CENPC: variants seen among roughly 807,000 people sequenced by gnomAD.
The protein encoded by CENPC is CENP-C 1.
Under a neutral mutation model 112.1 loss-of-function variants are expected in CENPC, and 63 were observed. That is an observed-to-expected ratio of 0.56 (90% CI 0.46 to 0.69). CENPC has a LOEUF of 0.69. CENPC is among the 30% of genes least tolerant of loss of function. The probability of loss-of-function intolerance (pLI) is 0.00; values close to 1 mark genes in which losing one functional copy is unlikely to be tolerated. For missense variants in CENPC, 1,000 were observed against 1,103.8 expected (o/e 0.91, Z 1.33); for synonymous variants, 333 against 367.6 (o/e 0.91, Z 1.08).
chr4:67,512,603 A>G (rs1725927631), intron 8 of CENPC, 34 bp from the exon 9 acceptor site: 3 of 1,426,158 alleles, frequency 2.1e-6, no homozygotes, highest in Admixed American at 3.0e-5. Context: ...CCAATTCACA[A>G]TCTACTAAAA....
intron 2 of CENPC, among the ~76,000 whole-genome samples, chr4:67,541,417 C>T (rs188555263): frequency 6.6e-6 from 1 of 152,188 alleles, no homozygotes; most frequent in East Asian, 1.9e-4. Flanking sequence ...GTAACATATT[C>T]CTCCCTATAA....
intron 17 of CENPC, among the ~76,000 whole-genome samples, chr4:67,486,386 T>TA (rs1725094601): frequency 6.6e-6 from 1 of 152,178 alleles, no homozygotes; most frequent in Non-Finnish European, 1.5e-5. Flanking sequence ...TTATCACACC[T>TA]AAAAAATAAA....
intron 14 of CENPC, chr4:67,493,497 A>C: frequency 5.6e-6 from 1 of 177,630 alleles, no homozygotes; most frequent in South Asian, 1.3e-4. Context: ...ATAAGAAAGA[A>C]AATAACTCTA....
chr4:67,509,207 T>TACACACATAC (rs1725825253), intron 9 of CENPC, 102 bp from the exon 10 acceptor site: 1 of 454,140 alleles, frequency 2.2e-6, no homozygotes, highest in African/African-American at 2.1e-5. Context: ...CATATACACA[T>TACACACATAC]ACACACACAC....
At chr4:67,537,920 G>T (rs966738173) in intron 4 of CENPC, among the ~76,000 whole-genome samples, 16 of 152,108 alleles carry the variant, frequency 1.1e-4, no homozygotes, top group Admixed American at 6.6e-5. Context: ...AAAGTTCAAG[G>T]CTTCAGAGAG....
intron 12 of CENPC, among the ~76,000 whole-genome samples, chr4:67,503,330 C>T (rs1577985470): frequency 6.6e-6 from 1 of 152,066 alleles, no homozygotes; most frequent in South Asian, 2.1e-4. Context: ...GACAGCTGCA[C>T]GGTTTGCTGT....
rs753850936 is a variant in CENPC, at chr4:67,489,951, TAA to T, written c.2670+14_2670+15del. The T allele has an allele frequency of 4.7e-6, 7 of 1,502,540 alleles. No homozygotes were observed. The highest frequency in any genetic ancestry group is 8.9e-7 in the Non-Finnish European group (1 of 1,128,844). The allele number at this position is 1,502,540 out of a possible 1,614,324, so 93.1% of individuals were successfully genotyped here. A position where few individuals can be genotyped will look rare whatever the true frequency, so the allele number is the denominator to read the frequency against. The stretch of plus-strand genomic sequence containing the variant: ...CTACCAAGAGTGAAACATAAATATA[TAA>T]AAAAAGTACTCACCAATATATCCTG... On this transcript the variant is annotated intron_variant, in intron 17 of 18. Transcript: ENST00000273853.
At position 67,514,646 on chromosome 4, in the gene CENPC, C is replaced by G; in HGVS notation, c.872G>C (p.Cys291Ser). 1 of 1,608,566 alleles carries G rather than the reference C, an allele frequency of 6.2e-7. No homozygotes were observed. Among genetic ancestry groups the G allele is most frequent in the Non-Finnish European group, 8.5e-7 (1 of 1,177,660 alleles). ...RHAATAPPHS[C>S]PPDDTKLIED... ...TATCAACTTCGTATCATCGGGAGGA[C>G]ACGAATGAGGTGGAGCAGTTGCCGC... The change falls in exon 8 of 19, where the codon TGT becomes TCT. Residue 291 changes from cysteine to serine, a missense_variant. Cys to Ser is a moderately radical substitution (Grantham distance 112). Coordinates refer to ENST00000273853, the MANE Select transcript of CENPC (RefSeq NM_001812.4).
chr4:67,482,265 T>C (rs1002033765), intron 17 of CENPC, among the ~76,000 whole-genome samples: 3 of 152,106 alleles, frequency 2.0e-5, no homozygotes, highest in African/African-American at 4.8e-5. Flanking sequence ...AAATAGTAGA[T>C]GTTGGCCTAG....
chr4:67,539,693 C>T, intron 4 of CENPC, 147 bp downstream of exon 4: 1 of 450,286 alleles, frequency 2.2e-6, no homozygotes, highest in East Asian at 3.7e-5. Context: ...TCACAAAATA[C>T]CTCCAAATTT....
rs1577964927 is a variant in CENPC at position 67,469,194 on chromosome 4, A to G, written c.*3411T>C. The G allele has an allele frequency of 6.6e-6, 1 of 152,328 alleles. No individual in the cohort carries two copies. Among genetic ancestry groups the G allele is most frequent in the East Asian group, 1.9e-4 (1 of 5,184 alleles). 9.4% of individuals were successfully genotyped at this position (152,328 alleles called of 1,614,324 possible). ...AAACTGTGGAATCCTATCCAACAAT[A>G]AAAATTAGAAAAATCATTAAAAAAA... is the stretch of plus-strand genomic sequence containing the variant. On this transcript the variant is annotated 3_prime_UTR_variant, in exon 19 of 19. Coordinates refer to ENST00000273853, the MANE Select transcript of CENPC (RefSeq NM_001812.4).
At chr4:67,482,802 G>C (rs1724989747) in intron 17 of CENPC, among the ~76,000 whole-genome samples, 1 of 152,190 alleles carries the variant, frequency 6.6e-6, no homozygotes, top group Admixed American at 6.5e-5. Flanking sequence ...AGTGTTCACT[G>C]TTCAGGTGAT....
chr4:67,518,513 G>A, intron 6 of CENPC, 145 bp from the exon 7 acceptor site: 1 of 837,728 alleles, frequency 1.2e-6, no homozygotes, highest in South Asian at 4.5e-5. Flanking sequence ...GCTGATTTGT[G>A]CATTCCAAAT....
chr4:67,491,468 TATATATATATATAGAGAGAG>T lies in CENPC; in HGVS notation c.2515+692_2515+711del, dbSNP rs1225292509. On this transcript the variant is annotated intron_variant, in intron 16 of 18. Coordinates refer to ENST00000273853, the MANE Select transcript of CENPC (RefSeq NM_001812.4). ...TTTCATATATATATATATATATATA[TATATATATATATAGAGAGAG>T]AGAGAGAGAGAGAGAGAGAGAGAGA... Among the ~76,000 whole-genome samples, 124 of 54,636 alleles carry T rather than the reference TATATATATATATAGAGAGAG, an allele frequency of 2.3e-3. 1 individual carries two copies. Among genetic ancestry groups the T allele is most frequent in the African/African-American group, 5.7e-3 (92 of 16,066 alleles). 35.8% of individuals were successfully genotyped at this position (54,636 alleles called of 152,430 possible).
intron 6 of CENPC, among the ~76,000 whole-genome samples, chr4:67,518,884 C>G (rs355508): frequency 0.17 from 25,594 of 151,884 alleles, 2,973 homozygotes; most frequent in East Asian, 0.57. Flanking sequence ...CTCTGCTACC[C>G]TTGAAGTGAC....
At chr4:67,475,276 A>G (rs1402644098) in intron 17 of CENPC, among the ~76,000 whole-genome samples, 1 of 152,266 alleles carries the variant, frequency 6.6e-6, no homozygotes, top group Non-Finnish European at 1.5e-5. Context: ...TTGAAGCATG[A>G]AAGGGACTTG....
chr4:67,535,737 G>A (rs946503822), intron 4 of CENPC, among the ~76,000 whole-genome samples: 2 of 152,218 alleles, frequency 1.3e-5, no homozygotes, highest in Non-Finnish European at 2.9e-5. Context: ...AAGAATGGAA[G>A]TTTATGTGTT....
At chr4:67,496,237 T>C (rs116264298) in intron 12 of CENPC, among the ~76,000 whole-genome samples, 2,583 of 152,286 alleles carry the variant, frequency 0.017, 39 homozygotes, top group Non-Finnish European at 0.027. Flanking sequence ...GTGAGGAAGT[T>C]ACCTCGAATG....
intron 17 of CENPC, 44 bp downstream of exon 17, chr4:67,489,923 G>T: frequency 7.0e-7 from 1 of 1,422,644 alleles, no homozygotes; most frequent in Non-Finnish European, 9.3e-7. Flanking sequence ...ATAAATCAGA[G>T]TTCTACCAAG....
Sources: gnomAD v4.1 joint callset for allele counts (sites outside exome capture counted in the v4.1 genomes callset) on GRCh38, gnomAD v4.1.1 for gene constraint, MANE v1.5 for transcripts, NCBI Gene and HGNC (gene_info 2026-07-23, HGNC 2026-07-21) for gene names.